Variants in SLC4A10 observed in about 807,000 individuals in gnomAD.
The protein encoded by SLC4A10 is solute carrier family 4 member 10.
A neutral mutation model predicts 137.7 loss-of-function variants in SLC4A10; 42 were observed. That is an observed-to-expected ratio of 0.30 (90% CI 0.24 to 0.39). SLC4A10 has a LOEUF of 0.39. Among genes scored for constraint, SLC4A10 ranks in the 10% least tolerant of loss-of-function variants. SLC4A10 has a pLI of 1.00. For missense variants in SLC4A10, 925 were observed against 1,355.0 expected, an observed-to-expected ratio of 0.68 and a Z score of 4.98; for synonymous variants, 474 against 464.1, an observed-to-expected ratio of 1.02 and a Z score of -0.27.
At chr2:161,979,366 G>T (rs903934247) in intron 26 of SLC4A10, among the ~76,000 whole-genome samples, 2 of 152,130 alleles carry the variant, frequency 1.3e-5, no homozygotes, top group African/African-American at 4.8e-5. Context: ...TTTAAAGCAG[G>T]TCCAATTTTC....
intron 1 of SLC4A10, among the ~76,000 whole-genome samples, chr2:161,686,888 C>CT (rs201067216): frequency 0.084 from 12,030 of 143,880 alleles, 565 homozygotes; most frequent in East Asian, 0.14. Context: ...CTTTTGTTGT[C>CT]TTTTTTTTTT....
At chr2:161,707,837 T>C (rs1574478750) in intron 1 of SLC4A10, among the ~76,000 whole-genome samples, 1 of 151,420 alleles carries the variant, frequency 6.6e-6, no homozygotes, top group South Asian at 2.1e-4. Context: ...ATAAATGAAA[T>C]CCCTGAAAAT....
At chr2:161,710,631 T>C (rs754986613) in intron 1 of SLC4A10, 2 of 448,560 alleles carry the variant, frequency 4.5e-6, no homozygotes, top group South Asian at 3.2e-5. Flanking sequence ...AATCTTGATC[T>C]TTGGAATGAT....
rs1700464856 is a variant in SLC4A10 at position 161,983,207 on chromosome 2, G to A, written c.*55G>A. The stretch of plus-strand genomic sequence containing the variant: ...TGAAAGCCGAAAAGAGAAGAAAGCT[G>A]ACTCAGGGAAAGGTGTTGACAGGGA... On this transcript the variant is annotated 3_prime_UTR_variant, in exon 27 of 27. Coordinates refer to ENST00000446997, the MANE Select transcript of SLC4A10 (RefSeq NM_001178015.2). 6.5e-7 allele frequency: 1 copy of A among 1,536,554 alleles called. No individual in the cohort carries two copies. The highest frequency in any genetic ancestry group is 1.4e-5 in the African/African-American group (1 of 73,018).
intron 1 of SLC4A10, among the ~76,000 whole-genome samples, chr2:161,756,836 CATAT>C (rs1232533424): frequency 6.6e-6 from 1 of 151,926 alleles, no homozygotes; most frequent in Non-Finnish European, 1.5e-5. Flanking sequence ...ACTGTATGTG[CATAT>C]ATATTCTTAT....
At chr2:161,819,842 A>T in intron 3 of SLC4A10, among the ~76,000 whole-genome samples, 1 of 152,144 alleles carries the variant, frequency 6.6e-6, no homozygotes, top group Non-Finnish European at 1.5e-5. Context: ...GTATAATTTG[A>T]AACTATATTT....
At chr2:161,630,034 A>G (rs550523688) in intron 1 of SLC4A10, among the ~76,000 whole-genome samples, 3 of 151,770 alleles carry the variant, frequency 2.0e-5, no homozygotes, top group Admixed American at 2.0e-4. Flanking sequence ...CATGTTTTCA[A>G]TTTCTTTGGG....
intron 1 of SLC4A10, among the ~76,000 whole-genome samples, chr2:161,645,600 C>T (rs1203837264): frequency 1.3e-5 from 2 of 151,948 alleles, no homozygotes; most frequent in African/African-American, 4.8e-5. Context: ...AATAAAGATA[C>T]AAGAGTTCAC....
intron 1 of SLC4A10, among the ~76,000 whole-genome samples, chr2:161,730,041 C>G (rs1345889237): frequency 1.3e-5 from 2 of 152,148 alleles, no homozygotes; most frequent in Non-Finnish European, 2.9e-5. Flanking sequence ...ATCCAAACGC[C>G]TCAAATAAGA....
chr2:161,663,273 A>C (rs2038659249), intron 1 of SLC4A10, among the ~76,000 whole-genome samples: 1 of 152,214 alleles, frequency 6.6e-6, no homozygotes, highest in African/African-American at 2.4e-5. Context: ...AATACCAAAC[A>C]CACAAAAAAC....
At chr2:161,754,377 A>G (rs1467485617) in intron 1 of SLC4A10, among the ~76,000 whole-genome samples, 1 of 152,188 alleles carries the variant, frequency 6.6e-6, no homozygotes, top group South Asian at 2.1e-4. Flanking sequence ...CTGTGACAAA[A>G]TTAGGAACCA....
intron 1 of SLC4A10, among the ~76,000 whole-genome samples, chr2:161,694,866 G>C (rs1341642252): frequency 6.6e-6 from 1 of 151,944 alleles, no homozygotes; most frequent in Non-Finnish European, 1.5e-5. Flanking sequence ...TAATGATATT[G>C]AGATAGATTA....
At chr2:161,849,568 G>A (rs2059703707) in intron 4 of SLC4A10, among the ~76,000 whole-genome samples, 1 of 151,956 alleles carries the variant, frequency 6.6e-6, no homozygotes, top group African/African-American at 2.4e-5. Context: ...ATTTTGTGGT[G>A]TACACCTTCA....
chr2:161,630,336 G>A (rs538730735), intron 1 of SLC4A10, among the ~76,000 whole-genome samples: 1 of 151,810 alleles, frequency 6.6e-6, no homozygotes, highest in East Asian at 1.9e-4. Flanking sequence ...TAGGGTGATG[G>A]CCTCACATAC....
chr2:161,853,679 C>A (rs774997189), intron 4 of SLC4A10, among the ~76,000 whole-genome samples: 8 of 152,040 alleles, frequency 5.3e-5, no homozygotes, highest in Non-Finnish European at 1.0e-4. Flanking sequence ...TATAAAATTC[C>A]CAGCCTTGAA....
intron 1 of SLC4A10, among the ~76,000 whole-genome samples, chr2:161,702,057 A>G (rs1047691097): frequency 6.6e-6 from 1 of 151,926 alleles, no homozygotes; most frequent in East Asian, 1.9e-4. Flanking sequence ...CTGAGTATAT[A>G]CCCAAAAGAA....
chr2:161,641,703 A>C (rs536779047), intron 1 of SLC4A10, among the ~76,000 whole-genome samples: 12 of 152,026 alleles, frequency 7.9e-5, no homozygotes, highest in Admixed American at 2.6e-4. Context: ...CTGATATTAG[A>C]AGTTGTTTGG....
At position 161,976,811 on chromosome 2, in the gene SLC4A10, G is replaced by A. The variant is rs752135256; in HGVS notation, c.3279G>A (p.Leu1093=). 1.9e-6 allele frequency: 3 copies of A among 1,606,414 alleles called. No individual in the cohort carries two copies. The highest frequency in any genetic ancestry group is 2.3e-5 in the South Asian group (2 of 88,864). The change falls in exon 25 of 27, where the codon TTG becomes TTA. Residue 1093 remains leucine (L), a synonymous_variant. Transcript: ENST00000446997. ...CTGATGAAATGTCAAAGACTGCCTT[G>A]TGGAGGAACCTTCTGATTACTGCCG... ...NISDEMSKTA[L]WRNLLITADN... is the part of the protein sequence containing the mutation.
Position 161,757,979 on chromosome 2 carries a change from G to A in SLC4A10, c.49-12994G>A, listed in dbSNP as rs542814306. 6.7e-4 allele frequency among the ~76,000 whole-genome samples: 102 copies of A among 151,898 alleles called. 1 individual carries two copies. Among genetic ancestry groups the A allele is most frequent in the South Asian group, 6.2e-4 (3 of 4,822 alleles). On this transcript the variant is annotated intron_variant, in intron 1 of 26. Coordinates refer to ENST00000446997, the MANE Select transcript of SLC4A10 (RefSeq NM_001178015.2). ...AGAAGTTATTAATCAAGAATCCTAC[G>A]TATATTTTTACTCACCCATTTTCTA...
Sources: gnomAD v4.1 joint callset for allele counts (sites outside exome capture counted in the v4.1 genomes callset) on GRCh38, gnomAD v4.1.1 for gene constraint, MANE v1.5 for transcripts, NCBI Gene and HGNC (gene_info 2026-07-23, HGNC 2026-07-21) for gene names.